RPL34: variants seen among roughly 807,000 people sequenced by gnomAD.
RPL34 encodes the protein ribosomal protein L34, also known as large ribosomal subunit protein eL34.
Under a neutral mutation model 16.3 loss-of-function variants are expected in RPL34, and 2 were observed. The observed-to-expected ratio is 0.12, with a 90% CI of 0.05 to 0.39. The LOEUF is 0.39. RPL34 is among the 10% of genes least tolerant of loss of function. The probability of loss-of-function intolerance (pLI) is 0.99; values close to 1 mark genes in which losing one functional copy is unlikely to be tolerated. For synonymous variants in RPL34, 47 were observed against 48.5 expected (o/e 0.97, Z 0.13); for missense variants, 82 against 148.8 (o/e 0.55, Z 2.33).
chr4:108,627,787 G>A (rs1726065493), downstream of RPL34, among the ~76,000 whole-genome samples: 1 of 151,696 alleles, frequency 6.6e-6, no homozygotes, highest in African/African-American at 2.4e-5. Context: ...GCTTGAACCT[G>A]TGAGGCAGAG....
chr4:108,628,911 C>T (rs1171659126), downstream of RPL34, among the ~76,000 whole-genome samples: 1 of 152,166 alleles, frequency 6.6e-6, no homozygotes, highest in Non-Finnish European at 1.5e-5. Context: ...CAACCTCCAC[C>T]TCCTGGGTTT....
chr4:108,621,623 G>C (rs1299370240), intron 1 of RPL34: 1 of 283,624 alleles, frequency 3.5e-6, no homozygotes, highest in Non-Finnish European at 6.9e-6. Flanking sequence ...TGTGCTCTTT[G>C]TTTAAAGCGG....
chr4:108,627,380 C>T (rs573806018), downstream of RPL34, among the ~76,000 whole-genome samples: 170 of 151,840 alleles, frequency 1.1e-3, no homozygotes, highest in African/African-American at 3.9e-3. Context: ...AAGACCCTGC[C>T]TAAAAAATAA....
downstream of RPL34, chr4:108,625,469 T>G: frequency 3.3e-6 from 1 of 307,612 alleles, no homozygotes; most frequent in South Asian, 4.4e-5. Flanking sequence ...CACCGCACCC[T>G]CTGCCTTCCA....
chr4:108,628,747 TAAC>T (rs1726092031), downstream of RPL34, among the ~76,000 whole-genome samples: 1 of 152,330 alleles, frequency 6.6e-6, no homozygotes, highest in East Asian at 1.9e-4. Context: ...TGGTTTTACT[TAAC>T]AAACAGCTTT....
In RPL34 at chr4:108,622,558, C is replaced by G. The variant is rs767287578; in HGVS notation, c.209C>G (p.Thr70Arg). 13 of 1,610,562 alleles carry G rather than the reference C, an allele frequency of 8.1e-6. No homozygotes were observed. In the Admixed American group the frequency reaches 2.2e-4, roughly 27 times the overall value. Residue 70 changes from threonine (T) to arginine (R), a missense_variant, in exon 4 of 5, where the codon ACA becomes AGA. Physicochemically the swap from Thr to Arg is moderately conservative, Grantham distance 71. Coordinates refer to ENST00000394667, the MANE Select transcript of RPL34 (RefSeq NM_001319236.2). ...AAAGTTCTTATGAGATTGTCCAAAA[C>G]AAAGAAACATGTCAGCAGGGCCTAT... ...RPKVLMRLSK[T>R]KKHVSRAYGG...
downstream of RPL34, among the ~76,000 whole-genome samples, chr4:108,627,387 ATAAT>A (rs1303235297): frequency 1.3e-5 from 2 of 152,192 alleles, no homozygotes; most frequent in African/African-American, 4.8e-5. Context: ...TGCCTAAAAA[ATAAT>A]TAAAAAATAA....
chr4:108,622,439 T>A, intron 3 of RPL34, 76 bp from the exon 4 acceptor site: 2 of 1,099,942 alleles, frequency 1.8e-6, no homozygotes, highest in Non-Finnish European at 2.8e-6. Context: ...ACTTTAAACT[T>A]GCCCTTAACA....
downstream of RPL34, among the ~76,000 whole-genome samples, chr4:108,625,989 T>C (rs529556732): frequency 2.0e-5 from 3 of 152,314 alleles, no homozygotes; most frequent in South Asian, 6.2e-4. Flanking sequence ...AGTTCAAAAA[T>C]GGTATCTTGG....
In RPL34 at chr4:108,622,634, A is replaced by T. The variant is rs1725834325; in HGVS notation, c.269+16A>T. The T allele has an allele frequency of 6.6e-7, 1 of 1,505,022 alleles. No homozygotes were observed. Among genetic ancestry groups the T allele is most frequent in the African/African-American group, 1.4e-5 (1 of 71,588 alleles). The allele number at this position is 1,505,022 out of a possible 1,614,324, so 93.2% of individuals were successfully genotyped here. Reference sequence around the variant, plus strand: ...TTCGTGACAGGTAAGTTAAATGCTTAAATGGGCTTTCCTTAGCAAATTATT... The same window carrying T: ...TTCGTGACAGGTAAGTTAAATGCTTTAATGGGCTTTCCTTAGCAAATTATT... On this transcript the variant is annotated intron_variant, in intron 4 of 4. Coordinates refer to ENST00000394667, the MANE Select transcript of RPL34 (RefSeq NM_001319236.2).
downstream of RPL34, among the ~76,000 whole-genome samples, chr4:108,629,816 T>C (rs911422319): frequency 3.9e-5 from 6 of 152,220 alleles, no homozygotes; most frequent in African/African-American, 1.4e-4. Flanking sequence ...CTATAATCTT[T>C]ACCCCAGTGA....
At chr4:108,623,430 G>A (rs1337774144) in intron 4 of RPL34, 3 of 152,130 alleles carry the variant, frequency 2.0e-5, no homozygotes, top group Admixed American at 6.5e-5. Flanking sequence ...TTGATTTTGA[G>A]ATGGAGTCTC....
chr4:108,620,606 G>C lies in RPL34; in HGVS notation c.-10+6G>C. ...TCCGGGGACGTTGTCTGCAGGTATG[G>C]ATGTTGTTCTCTTTTCCCTGTCTTT... is the stretch of plus-strand genomic sequence containing the variant. On this transcript the variant is annotated splice_donor_region_variant and intron_variant, in intron 1 of 4. Coordinates refer to ENST00000394667, the MANE Select transcript of RPL34 (RefSeq NM_001319236.2). 3.3e-6 allele frequency: 1 copy of C among 299,128 alleles called. No individual in the cohort carries two copies. Among genetic ancestry groups the C allele is most frequent in the East Asian group, 8.7e-5 (1 of 11,450 alleles). 18.5% of individuals were successfully genotyped at this position (299,128 alleles called of 1,614,324 possible).
At chr4:108,622,367 A>G (rs1375711983) in intron 3 of RPL34, 148 bp from the exon 4 acceptor site, 2 of 807,590 alleles carry the variant, frequency 2.5e-6, no homozygotes, top group South Asian at 1.6e-5. Flanking sequence ...TTTTAAACCA[A>G]TCTGAGAAAT....
intron 4 of RPL34, chr4:108,623,136 A>G (rs1725854839): frequency 3.3e-5 from 5 of 152,502 alleles, no homozygotes; most frequent in Non-Finnish European, 7.3e-5. Context: ...GTTTGAGACC[A>G]GGCTGACCAA....
At chr4:108,627,659 C>T (rs1454993753), downstream of RPL34, among the ~76,000 whole-genome samples, 3 of 151,970 alleles carry the variant, frequency 2.0e-5, no homozygotes, top group Admixed American at 1.3e-4. Context: ...GTCAGGAGTT[C>T]GAGACCAGCC....
downstream of RPL34, among the ~76,000 whole-genome samples, chr4:108,629,845 A>G (rs1316960185): frequency 6.6e-6 from 1 of 152,256 alleles, no homozygotes; most frequent in East Asian, 1.9e-4. Flanking sequence ...TTGGGCTTCC[A>G]GAATTTTGAT....
downstream of RPL34, among the ~76,000 whole-genome samples, chr4:108,629,318 A>G (rs1345952766): frequency 1.3e-5 from 2 of 152,178 alleles, no homozygotes; most frequent in Non-Finnish European, 2.9e-5. Flanking sequence ...TACATGCTAT[A>G]ATTTAGACAT....
chr4:108,630,401 C>T (rs1442813332), exon 6 of RPL34: 1 of 152,004 alleles, frequency 6.6e-6, no homozygotes, highest in Non-Finnish European at 1.5e-5. Flanking sequence ...CCAAAATGAG[C>T]CTTTTATTGA....
Sources: gnomAD v4.1 joint callset for allele counts (sites outside exome capture counted in the v4.1 genomes callset) on GRCh38, gnomAD v4.1.1 for gene constraint, MANE v1.5 for transcripts, NCBI Gene and HGNC (gene_info 2026-07-23, HGNC 2026-07-21) for gene names.